The following CLSTN2 variants were observed in gnomAD, a reference collection of about 807,000 sequenced individuals.
The protein encoded by CLSTN2 is calsyntenin 2.
Under a neutral mutation model 101.2 loss-of-function variants are expected in CLSTN2, and 48 were observed. That is an observed-to-expected ratio of 0.47 (90% CI 0.38 to 0.60). The LOEUF is 0.60. CLSTN2 is among the 20% of genes least tolerant of loss of function. CLSTN2 has a pLI of 0.00. For missense variants in CLSTN2, 1,160 were observed against 1,238.2 expected, an observed-to-expected ratio of 0.94 and a Z score of 0.95; for synonymous variants, 481 against 463.6, an observed-to-expected ratio of 1.04 and a Z score of -0.48.
chr3:140,525,043 G>C (rs921743116), intron 8 of CLSTN2, among the ~76,000 whole-genome samples: 1 of 152,062 alleles, frequency 6.6e-6, no homozygotes, highest in Non-Finnish European at 1.5e-5. Flanking sequence ...GGAAGAAGGG[G>C]AGAAAAAGAA....
At chr3:140,433,457 G>GT (rs1276184550) in intron 5 of CLSTN2, among the ~76,000 whole-genome samples, 47 of 152,224 alleles carry the variant, frequency 3.1e-4, no homozygotes, top group Admixed American at 6.5e-5. Flanking sequence ...ATGGACCTGG[G>GT]TCTGTCCCTG....
chr3:140,161,463 C>T (rs1576450643), intron 1 of CLSTN2, among the ~76,000 whole-genome samples: 2 of 152,274 alleles, frequency 1.3e-5, no homozygotes, highest in East Asian at 1.9e-4. Context: ...AGATGCTCCC[C>T]TTCCTTTTTC....
intron 2 of CLSTN2, among the ~76,000 whole-genome samples, chr3:140,207,372 T>C (rs949706120): frequency 1.3e-5 from 2 of 152,206 alleles, no homozygotes; most frequent in African/African-American, 4.8e-5. Flanking sequence ...CATCTTACCA[T>C]TATATTTTCT....
chr3:140,290,875 C>G (rs1280916556), intron 2 of CLSTN2, among the ~76,000 whole-genome samples: 1 of 152,172 alleles, frequency 6.6e-6, no homozygotes, highest in East Asian at 1.9e-4. Context: ...TGTCCTCATG[C>G]CTTTCAGGGC....
chr3:140,315,221 C>G (rs1449430557), intron 2 of CLSTN2, among the ~76,000 whole-genome samples: 1 of 152,132 alleles, frequency 6.6e-6, no homozygotes, highest in Non-Finnish European at 1.5e-5. Context: ...GATCTATGAC[C>G]TAAATAAATG....
chr3:140,536,987 C>A (rs1399137788), intron 9 of CLSTN2, among the ~76,000 whole-genome samples: 1 of 152,234 alleles, frequency 6.6e-6, no homozygotes, highest in Non-Finnish European at 1.5e-5. Flanking sequence ...ATCAAAAGAT[C>A]TTTCAATAAG....
chr3:140,161,042 C>T (rs1316856549), intron 1 of CLSTN2, among the ~76,000 whole-genome samples: 12 of 152,116 alleles, frequency 7.9e-5, no homozygotes, highest in Admixed American at 3.9e-4. Context: ...GAGCACCTAC[C>T]ATGTGCCAGG....
intron 8 of CLSTN2, chr3:140,506,513 T>C (rs1246990987): frequency 2.0e-5 from 3 of 152,246 alleles, no homozygotes; most frequent in Non-Finnish European, 4.4e-5. Flanking sequence ...TTGATCCCGT[T>C]GTGGCTAAAA....
chr3:139,970,280 G>T (rs1430714610), intron 1 of CLSTN2, among the ~76,000 whole-genome samples: 2 of 152,122 alleles, frequency 1.3e-5, no homozygotes, highest in African/African-American at 4.8e-5. Flanking sequence ...GCCACACAGG[G>T]TTCCTGGCAC....
At chr3:140,249,449 A>C (rs2086543323) in intron 2 of CLSTN2, among the ~76,000 whole-genome samples, 1 of 152,152 alleles carries the variant, frequency 6.6e-6, no homozygotes, top group Non-Finnish European at 1.5e-5. Context: ...AGGAAATGAC[A>C]AGGCAAGGTT....
intron 1 of CLSTN2, among the ~76,000 whole-genome samples, chr3:140,156,996 T>C (rs1479471405): frequency 1.3e-5 from 2 of 152,176 alleles, no homozygotes; most frequent in South Asian, 2.1e-4. Context: ...ATTAATCCTG[T>C]CAGATATGAG....
intron 8 of CLSTN2, among the ~76,000 whole-genome samples, chr3:140,494,385 A>T (rs887097373): frequency 6.6e-6 from 1 of 152,236 alleles, no homozygotes; most frequent in Non-Finnish European, 1.5e-5. Flanking sequence ...TAGGTTATCA[A>T]GCCGGATACC....
intron 2 of CLSTN2, among the ~76,000 whole-genome samples, chr3:140,312,876 A>G (rs2087184496): frequency 6.6e-6 from 1 of 152,214 alleles, no homozygotes; most frequent in Non-Finnish European, 1.5e-5. Flanking sequence ...AAGGGTTGAC[A>G]TTTTCAGCAA....
In CLSTN2 at chr3:140,365,647, G is replaced by A. The variant is rs368418429; in HGVS notation, c.233-37982G>A. The stretch of plus-strand genomic sequence containing the variant: ...AAGGCCACACAGATGGTAAATGGTG[G>A]TGCCAGAACCAGGACTTCAAAATCT... On this transcript the variant is annotated intron_variant, in intron 2 of 16. Transcript: ENST00000458420. 1.7e-4 allele frequency among the ~76,000 whole-genome samples: 26 copies of A among 152,108 alleles called. No individual in the cohort carries two copies. In the East Asian group the frequency reaches 2.3e-3, roughly 14 times the overall value.
Position 140,404,692 on chromosome 3 carries a change from G to T in CLSTN2, c.563G>T (p.Cys188Phe), listed in dbSNP as rs1423415989. ...CAGGTGGAGGCCATTGACGAGGACT[G>T]CTCCCCACAGTACAGCCAGATCTGC... ...ILQVEAIDED[C>F]SPQYSQICNY... is the part of the protein sequence containing the mutation. Residue 188 changes from cysteine to phenylalanine, a missense_variant, in exon 4 of 17, where the codon TGC becomes TTC. Physicochemically the swap from Cys to Phe is radical, Grantham distance 205 (BLOSUM62 -2). Transcript: ENST00000458420. The T allele has an allele frequency of 3.7e-6, 6 of 1,614,192 alleles. No homozygotes were observed. The highest frequency in any genetic ancestry group is 3.3e-5 in the Admixed American group (2 of 60,024).
intron 2 of CLSTN2, among the ~76,000 whole-genome samples, chr3:140,230,643 G>C (rs72988194): frequency 0.04 from 6,061 of 152,228 alleles, 372 homozygotes; most frequent in African/African-American, 0.14. Context: ...CTAGCTCTCT[G>C]CAGACACAAA....
chr3:140,361,540 A>G (rs1399960860), intron 2 of CLSTN2, among the ~76,000 whole-genome samples: 1 of 152,196 alleles, frequency 6.6e-6, no homozygotes, highest in Non-Finnish European at 1.5e-5. Context: ...AAGAAGTAAA[A>G]CTATCTTTAT....
rs1028961795 is a variant in CLSTN2, at chr3:140,547,836, G to A, written c.1674+1155G>A. 2.0e-5 allele frequency among the ~76,000 whole-genome samples: 3 copies of A among 152,294 alleles called. No individual in the cohort carries two copies. The South Asian group carries it at 6.2e-4, about 32-fold the overall frequency. On this transcript the variant is annotated intron_variant, in intron 10 of 16. Transcript: ENST00000458420. Reference sequence around the variant, plus strand: ...CCCCAGTGTGAAAAAACAGTCCCTCGGCCTCCTCTGGAAGTTGGAACAGAC... The same window carrying A: ...CCCCAGTGTGAAAAAACAGTCCCTCAGCCTCCTCTGGAAGTTGGAACAGAC...
intron 1 of CLSTN2, among the ~76,000 whole-genome samples, chr3:139,958,496 G>A (rs2107813440): frequency 6.6e-6 from 1 of 152,228 alleles, no homozygotes; most frequent in East Asian, 1.9e-4. Context: ...TATAGAATTT[G>A]GTAGGACATC....
Sources: gnomAD v4.1 joint callset for allele counts (sites outside exome capture counted in the v4.1 genomes callset) on GRCh38, gnomAD v4.1.1 for gene constraint, MANE v1.5 for transcripts, NCBI Gene and HGNC (gene_info 2026-07-23, HGNC 2026-07-21) for gene names.